The following DNAH3 variants were observed in gnomAD, a reference collection of about 807,000 sequenced individuals.
The protein encoded by DNAH3 is axonemal beta dynein heavy chain 3.
A neutral mutation model predicts 432.5 loss-of-function variants in DNAH3; 332 were observed. The observed-to-expected ratio is 0.77, with a 90% CI of 0.70 to 0.84. The LOEUF (loss-of-function observed/expected upper bound fraction) is 0.84, where lower values mean the gene tolerates loss of function less well. Ranked by LOEUF, DNAH3 falls within the 40% of genes least tolerant of loss-of-function variation. The pLI is 0.00. For synonymous variants in DNAH3, 1,956 were observed against 1,900.2 expected (o/e 1.03, Z -0.76); for missense variants, 4,861 against 5,114.0 (o/e 0.95, Z 1.51).
chr16:20,997,067 G>A, intron 44 of DNAH3: 1 of 518,348 alleles, frequency 1.9e-6, no homozygotes, highest in South Asian at 2.9e-5. Flanking sequence ...TTTCTCTAGG[G>A]CCTAGCCAAA....
At chr16:20,990,819 A>T (rs1437493608) in intron 44 of DNAH3, among the ~76,000 whole-genome samples, 1 of 152,124 alleles carries the variant, frequency 6.6e-6, no homozygotes, top group Non-Finnish European at 1.5e-5. Context: ...CAAGAGATCG[A>T]GACCAGCCTG....
intron 50 of DNAH3, among the ~76,000 whole-genome samples, chr16:20,975,961 T>G (rs1436679277): frequency 1.3e-5 from 2 of 152,140 alleles, no homozygotes; most frequent in African/African-American, 4.8e-5. Flanking sequence ...GTCAAGCTGG[T>G]CTAGAACTCC....
intron 50 of DNAH3, 72 bp from the exon 51 acceptor site, chr16:20,975,487 A>T (rs530298673): frequency 1.4e-6 from 2 of 1,442,980 alleles, no homozygotes; most frequent in South Asian, 2.5e-5. Flanking sequence ...AATTGAAATG[A>T]TTCTCCAACC....
intron 31 of DNAH3, among the ~76,000 whole-genome samples, chr16:21,048,761 T>A (rs1249538803): frequency 6.6e-6 from 1 of 151,926 alleles, no homozygotes; most frequent in Non-Finnish European, 1.5e-5. Context: ...TGGTTAGATC[T>A]TGGCTCATTG....
chr16:21,112,204 C>T lies in DNAH3; in HGVS notation c.1815-106G>A, dbSNP rs1234052652. 5 of 746,160 alleles carry T rather than the reference C, an allele frequency of 6.7e-6. No individual in the cohort carries two copies. In the African/African-American group the frequency reaches 7.1e-5, roughly 11 times the overall value. 46.2% of individuals were successfully genotyped at this position (746,160 alleles called of 1,614,324 possible). A position where few individuals can be genotyped will look rare whatever the true frequency, so the allele number is the denominator to read the frequency against. On this transcript the variant is annotated intron_variant, in intron 12 of 61. Coordinates refer to ENST00000261383, the Ensembl canonical transcript of DNAH3. ...ATAGTAGCATTTTAAAAAATGTAGC[C>T]CAAGCCAGGAAAGAGAACTATAATG...
At chr16:20,961,747 TA>T (rs2084830696) in intron 53 of DNAH3, among the ~76,000 whole-genome samples, 1 of 146,962 alleles carries the variant, frequency 6.8e-6, no homozygotes, top group African/African-American at 2.5e-5. Flanking sequence ...TGTGAGAAAA[TA>T]AATTTCTGGT....
At chr16:21,073,105 G>C (rs1009765846) in intron 21 of DNAH3, among the ~76,000 whole-genome samples, 1 of 152,148 alleles carries the variant, frequency 6.6e-6, no homozygotes, top group Admixed American at 6.5e-5. Context: ...TGACCCTGGG[G>C]CAGGTTTGGT....
exon 62 of DNAH3, chr16:20,933,311 T>C (rs371620716): frequency 1.9e-6 from 3 of 1,614,114 alleles, no homozygotes; most frequent in Admixed American, 1.7e-5. Flanking sequence ...TGGACACACA[T>C]AGATGTCCTG....
chr16:21,069,522 A>G, exon 23 of DNAH3: 1 of 1,613,950 alleles, frequency 6.2e-7, no homozygotes, highest in Non-Finnish European at 8.5e-7. Context: ...GGTTCCAGGT[A>G]CAGCCAGGTG....
At chr16:21,068,595 G>A (rs1054661477) in intron 23 of DNAH3, among the ~76,000 whole-genome samples, 4 of 152,098 alleles carry the variant, frequency 2.6e-5, no homozygotes, top group African/African-American at 7.2e-5. Context: ...AATTACAGGC[G>A]TGAGCCACCG....
At chr16:21,118,803 T>C (rs1374498757) in intron 11 of DNAH3, among the ~76,000 whole-genome samples, 3 of 152,130 alleles carry the variant, frequency 2.0e-5, no homozygotes, top group African/African-American at 7.2e-5. Flanking sequence ...AACTCCCTCA[T>C]GGCACGTGTG....
exon 50 of DNAH3, chr16:20,979,418 G>C: frequency 1.2e-6 from 2 of 1,614,142 alleles, no homozygotes; most frequent in Non-Finnish European, 1.7e-6. Flanking sequence ...ATTCAGGAGC[G>C]TCTTGAAGGT....
At chr16:21,049,712 C>G in intron 30 of DNAH3, 30 bp from the exon 31 acceptor site, 2 of 1,592,862 alleles carry the variant, frequency 1.3e-6, no homozygotes, top group Non-Finnish European at 1.7e-6. Flanking sequence ...GGGTATCATT[C>G]AGGGTGGATT....
intron 31 of DNAH3, among the ~76,000 whole-genome samples, chr16:21,047,375 CT>C (rs1482692804): frequency 1.3e-5 from 2 of 150,270 alleles, no homozygotes; most frequent in East Asian, 3.9e-4. Flanking sequence ...TTGCTCATTT[CT>C]TTTTATTCTT....
intron 10 of DNAH3, 66 bp downstream of exon 11, chr16:21,121,879 C>A (rs979624354): frequency 2.8e-6 from 4 of 1,441,706 alleles, no homozygotes; most frequent in Non-Finnish European, 2.8e-6. Context: ...TGTACAACCT[C>A]TTTCAATACA....
chr16:21,067,763 G>GA (rs1555545816), intron 23 of DNAH3, among the ~76,000 whole-genome samples: 1 of 85,652 alleles, frequency 1.2e-5, no homozygotes, highest in Non-Finnish European at 2.4e-5. Flanking sequence ...GTCTTGGGGG[G>GA]GGGGGTGGGG....
chr16:20,964,206 C>T (rs747050555), exon 53 of DNAH3: 125 of 1,613,976 alleles, frequency 7.7e-5, no homozygotes, highest in Non-Finnish European at 1.0e-4. Flanking sequence ...TGGCACTTTC[C>T]ACAATCAACT....
At chr16:21,140,425 G>A in intron 5 of DNAH3, 111 bp downstream of exon 6, 1 of 1,221,026 alleles carries the variant, frequency 8.2e-7, no homozygotes, top group South Asian at 1.5e-5. Flanking sequence ...AGACTTTGGT[G>A]TTTTTCAAAC....
intron 53 of DNAH3, among the ~76,000 whole-genome samples, chr16:20,959,644 C>CACACAT (rs1470631633): frequency 6.6e-6 from 1 of 151,094 alleles, no homozygotes; most frequent in African/African-American, 2.4e-5. Context: ...CACACACACA[C>CACACAT]ACACACACAC....
Sources: allele counts gnomAD v4.1 joint callset (sites outside exome capture counted in the v4.1 genomes callset), GRCh38; gene constraint gnomAD v4.1.1; transcripts MANE v1.5; gene names NCBI Gene and HGNC (gene_info 2026-07-23, HGNC 2026-07-21).